Variants in PCDHA5 observed in about 807,000 individuals in gnomAD.
PCDHA5 encodes protocadherin alpha-5.
A neutral mutation model predicts 61.6 loss-of-function variants in PCDHA5; 43 were observed. That is an observed-to-expected ratio of 0.70 (90% CI 0.55 to 0.90). The LOEUF is 0.90. PCDHA5 is among the 40% of genes least tolerant of loss of function. The probability of loss-of-function intolerance (pLI) is 0.00; values close to 1 mark genes in which losing one functional copy is unlikely to be tolerated. For synonymous variants in PCDHA5, 627 were observed against 543.9 expected (o/e 1.15, Z -2.13); for missense variants, 1,298 against 1,222.7 (o/e 1.06, Z -0.92).
At chr5:140,944,354 A>G (rs2093646021) in intron 1 of PCDHA5, among the ~76,000 whole-genome samples, 1 of 151,968 alleles carries the variant, frequency 6.6e-6, no homozygotes, top group South Asian at 2.1e-4. Flanking sequence ...CACCTGGCTA[A>G]TTTTTAATTT....
At chr5:141,007,258 A>G (rs1160413471) in intron 3 of PCDHA5, among the ~76,000 whole-genome samples, 1 of 152,110 alleles carries the variant, frequency 6.6e-6, no homozygotes, top group Non-Finnish European at 1.5e-5. Flanking sequence ...AGTTAAAAGA[A>G]GCAGATACAG....
intron 3 of PCDHA5, among the ~76,000 whole-genome samples, chr5:141,007,365 A>G (rs1027558453): frequency 6.7e-6 from 1 of 149,886 alleles, no homozygotes; most frequent in African/African-American, 2.5e-5. Context: ...AGCCTGGGCA[A>G]CATGATGGAA....
chr5:140,930,997 A>G (rs1355351475), intron 1 of PCDHA5, among the ~76,000 whole-genome samples: 3 of 152,198 alleles, frequency 2.0e-5, no homozygotes, highest in Admixed American at 1.3e-4. Context: ...GACCTACACT[A>G]ATAACATAAC....
chr5:140,845,157 C>T (rs1273679091), intron 1 of PCDHA5, among the ~76,000 whole-genome samples: 6 of 149,288 alleles, frequency 4.0e-5, no homozygotes, highest in Non-Finnish European at 7.5e-5. Context: ...TGTGTAAAAG[C>T]GAATTGTTTT....
chr5:140,926,682 C>T, intron 1 of PCDHA5: 1 of 656,722 alleles, frequency 1.5e-6, no homozygotes, highest in Non-Finnish European at 2.3e-6. Context: ...CAGCCTCCAG[C>T]CTAGCAAGCC....
chr5:140,923,774 G>T (rs1447078559), intron 1 of PCDHA5, among the ~76,000 whole-genome samples: 1 of 152,202 alleles, frequency 6.6e-6, no homozygotes, highest in Non-Finnish European at 1.5e-5. Flanking sequence ...CTACTGGGTG[G>T]ATGGTTTCTT....
intron 1 of PCDHA5, chr5:140,857,929 G>A: frequency 1.3e-6 from 2 of 1,597,764 alleles, no homozygotes; most frequent in Non-Finnish European, 1.7e-6. Flanking sequence ...GGCTGTACAC[G>A]GGCGAGATCA....
chr5:140,877,222 T>A lies in PCDHA5; in HGVS notation c.2352+53095T>A, dbSNP rs199811254. On this transcript the variant is annotated intron_variant, in intron 1 of 3. Coordinates refer to ENST00000529859, the MANE Select transcript of PCDHA5 (RefSeq NM_018908.3). ...CGCAGTTAGCGAGTTGGTACCGCGG[T>A]CGGTGGGTGCGGGCCACGTGGTGGC... The A allele has an allele frequency of 2.3e-4, 370 of 1,613,680 alleles. 1 individual carries two copies. The highest frequency in any genetic ancestry group is 3.0e-4 in the Admixed American group (18 of 59,992).
At chr5:140,967,171 G>A (rs181864889) in intron 1 of PCDHA5, 2 of 1,611,944 alleles carry the variant, frequency 1.2e-6, no homozygotes, top group Non-Finnish European at 8.5e-7. Flanking sequence ...GCGCCGTTGA[G>A]GTGGAAATAT....
At chr5:141,001,143 G>T (rs1310182286) in intron 3 of PCDHA5, among the ~76,000 whole-genome samples, 1 of 151,914 alleles carries the variant, frequency 6.6e-6, no homozygotes, top group Admixed American at 6.5e-5. Context: ...ATCTTCTGTT[G>T]CTCTGATCTT....
At chr5:140,948,136 T>C (rs2094216707) in intron 1 of PCDHA5, among the ~76,000 whole-genome samples, 1 of 151,776 alleles carries the variant, frequency 6.6e-6, no homozygotes, top group African/African-American at 2.4e-5. Flanking sequence ...ATTACACTAA[T>C]TGATTTTTGA....
intron 1 of PCDHA5, among the ~76,000 whole-genome samples, chr5:140,894,090 C>T (rs1554185919): frequency 6.6e-6 from 1 of 152,154 alleles, no homozygotes; most frequent in African/African-American, 2.4e-5. Flanking sequence ...CCAGTATCTT[C>T]TAGCTCCTGG....
intron 1 of PCDHA5, chr5:140,881,353 G>C (rs537796043): frequency 1.0e-6 from 1 of 985,060 alleles, no homozygotes; most frequent in African/African-American, 1.7e-5. Flanking sequence ...GCTACAATGC[G>C]TGGCTTTCGT....
chr5:140,927,697 C>T, intron 1 of PCDHA5: 2 of 1,614,170 alleles, frequency 1.2e-6, no homozygotes, highest in Non-Finnish European at 1.7e-6. Flanking sequence ...TGGGGAAGTC[C>T]AGTACTCCCT....
In PCDHA5 at chr5:140,849,670, A is replaced by G. The variant is rs2150444272; in HGVS notation, c.2352+25543A>G. On this transcript the variant is annotated intron_variant, in intron 1 of 3. Coordinates refer to ENST00000529859, the MANE Select transcript of PCDHA5 (RefSeq NM_018908.3). The stretch of plus-strand genomic sequence containing the variant: ...CAGGTTACCTGCTCCCTGACGCCCC[A>G]CGTCCCCTTCAAGCTGGTGTCCACC... The G allele has an allele frequency of 1.7e-5, 27 of 1,598,602 alleles. 2 individuals carry two copies. The highest frequency in any genetic ancestry group is 9.9e-5 in the South Asian group (9 of 90,546).
In PCDHA5 at chr5:140,972,962, A is replaced by G. The variant is rs550755148; in HGVS notation, c.2353-5987A>G. Among the ~76,000 whole-genome samples the G allele has an allele frequency of 1.5e-3, 231 of 152,144 alleles. 1 individual carries two copies. The highest frequency in any genetic ancestry group is 2.9e-3 in the Non-Finnish European group (194 of 67,976). ...CAGATGTGAGCCACCATGCCCGGCA[A>G]AGGAAACCAAATCTTAAGGTAGATT... On this transcript the variant is annotated intron_variant, in intron 1 of 3. Transcript: ENST00000529859.
intron 1 of PCDHA5, chr5:140,871,072 G>A: frequency 6.2e-7 from 1 of 1,613,238 alleles, no homozygotes; most frequent in Non-Finnish European, 8.5e-7. Context: ...CGGTGAGCCG[G>A]CGCTGACGGC....
intron 3 of PCDHA5, among the ~76,000 whole-genome samples, chr5:140,989,362 G>A (rs1264795948): frequency 6.6e-6 from 1 of 152,176 alleles, no homozygotes; most frequent in African/African-American, 2.4e-5. Context: ...GGTCACCTGT[G>A]TGACTGAGAG....
intron 1 of PCDHA5, chr5:140,842,727 C>A (rs1554139317): frequency 6.3e-7 from 1 of 1,594,926 alleles, no homozygotes; most frequent in East Asian, 2.2e-5. Flanking sequence ...GAGAACAACC[C>A]GCCGGGCTGC....
Sources: allele counts gnomAD v4.1 joint callset (sites outside exome capture counted in the v4.1 genomes callset), GRCh38; gene constraint gnomAD v4.1.1; transcripts MANE v1.5; gene names NCBI Gene and HGNC (gene_info 2026-07-23, HGNC 2026-07-21).